NEO1: variants seen among roughly 807,000 people sequenced by gnomAD.
NEO1 encodes neogenin 1, also known as neogenin.
NEO1 carries 63 observed loss-of-function variants against 159.7 expected under a neutral mutation model. The ratio of observed to expected loss-of-function variants is 0.39; its 90% CI spans 0.32 to 0.49. The LOEUF is 0.49. Ranked by LOEUF, NEO1 falls within the 20% of genes least tolerant of loss-of-function variation. The pLI, the probability that NEO1 is intolerant of heterozygous loss-of-function variation, is 0.85. For synonymous variants in NEO1, 633 were observed against 662.0 expected (o/e 0.96, Z 0.67); for missense variants, 1,615 against 1,831.0 (o/e 0.88, Z 2.15).
intron 1 of NEO1, among the ~76,000 whole-genome samples, chr15:73,070,575 G>A (rs1401891606): frequency 6.6e-6 from 1 of 152,192 alleles, no homozygotes; most frequent in Non-Finnish European, 1.5e-5. Context: ...AGTGTATACA[G>A]TAGTCCCCCC....
At chr15:73,124,784 G>T (rs2029946933) in intron 3 of NEO1, among the ~76,000 whole-genome samples, 1 of 151,810 alleles carries the variant, frequency 6.6e-6, no homozygotes, top group African/African-American at 2.4e-5. Context: ...TATCTTACTT[G>T]TCTCTCTCCC....
chr15:73,164,475 A>C (rs546020093), intron 5 of NEO1, among the ~76,000 whole-genome samples: 2 of 152,188 alleles, frequency 1.3e-5, no homozygotes, highest in African/African-American at 4.8e-5. Flanking sequence ...TCAGCCTCCC[A>C]AAGTGCTGGA....
chr15:73,169,989 A>C (rs769830534), intron 5 of NEO1, among the ~76,000 whole-genome samples: 4 of 152,056 alleles, frequency 2.6e-5, no homozygotes, highest in Non-Finnish European at 4.4e-5. Flanking sequence ...GTTTGTTTGA[A>C]TGTACCTTGT....
At position 73,273,848 on chromosome 15, in the gene NEO1, G is replaced by C. The variant is rs769673192; in HGVS notation, c.3003G>C (p.Glu1001Asp). 3 of 1,614,110 alleles carry C rather than the reference G, an allele frequency of 1.9e-6. No individual in the cohort carries two copies. Among genetic ancestry groups the C allele is most frequent in the Non-Finnish European group, 2.5e-6 (3 of 1,179,984 alleles). ...ATTACAGTACAGATGTGAATGCAGA[G>C]ATACATGACTGGGTTATTGAGCCTG... is the stretch of plus-strand genomic sequence containing the variant. ...IIYYSTDVNA[E>D]IHDWVIEPVV... The change falls in exon 20 of 29, where the codon GAG becomes GAC. Residue 1001 changes from glutamate (E) to aspartate (D), a missense_variant. Around this residue, in one of 3 missense-constraint regions of NEO1, gnomAD observed 126 missense variants for 216.7 expected, o/e 0.58. Coordinates refer to ENST00000261908, the MANE Select transcript of NEO1 (RefSeq NM_002499.4).
intron 7 of NEO1, among the ~76,000 whole-genome samples, chr15:73,199,539 A>G (rs1358409841): frequency 6.6e-6 from 1 of 152,006 alleles, no homozygotes; most frequent in Non-Finnish European, 1.5e-5. Flanking sequence ...CATTTATTCA[A>G]TCATTTGCTA....
intron 26 of NEO1, among the ~76,000 whole-genome samples, chr15:73,297,613 T>G (rs772013169): frequency 2.0e-5 from 3 of 152,214 alleles, no homozygotes; most frequent in Middle Eastern, 3.2e-3. Context: ...GTCCGTGCTT[T>G]TCTACCCTGC....
At chr15:73,271,000 A>G (rs1035408322) in intron 18 of NEO1, among the ~76,000 whole-genome samples, 5 of 152,130 alleles carry the variant, frequency 3.3e-5, no homozygotes, top group African/African-American at 1.2e-4. Context: ...CCTTTCTGCT[A>G]CCCCCTGGGC....
intron 1 of NEO1, among the ~76,000 whole-genome samples, chr15:73,112,098 A>G (rs2071029593): frequency 6.6e-6 from 1 of 152,012 alleles, no homozygotes; most frequent in Non-Finnish European, 1.5e-5. Context: ...ACCTTTCTCA[A>G]TGCCCATATA....
At chr15:73,251,438 G>A (rs893437192) in intron 11 of NEO1, among the ~76,000 whole-genome samples, 4 of 151,002 alleles carry the variant, frequency 2.6e-5, no homozygotes, top group Non-Finnish European at 1.5e-5. Flanking sequence ...ACCTGAGCCC[G>A]GGGAGGTCAA....
intron 7 of NEO1, among the ~76,000 whole-genome samples, chr15:73,198,002 C>T (rs2036634769): frequency 6.6e-6 from 1 of 152,100 alleles, no homozygotes; most frequent in Admixed American, 6.6e-5. Context: ...ATAGCATTGA[C>T]TGAAATATAT....
At chr15:73,184,492 T>A (rs2035804065) in intron 7 of NEO1, among the ~76,000 whole-genome samples, 1 of 152,216 alleles carries the variant, frequency 6.6e-6, no homozygotes, top group African/African-American at 2.4e-5. Context: ...CTGAATGAGT[T>A]GAAAAGTTAT....
rs2036250753 is a variant in NEO1, at chr15:73,191,808, A to G, written c.1291+13381A>G. Among the ~76,000 whole-genome samples the G allele has an allele frequency of 2.0e-5, 3 of 152,180 alleles. No individual in the cohort carries two copies. In the South Asian group the frequency reaches 6.2e-4, roughly 31 times the overall value. On this transcript the variant is annotated intron_variant, in intron 7 of 28. Transcript: ENST00000261908. ...ATGTAACACATGTTCATTGTCAAGAATAAGAATACATAATTGACTGAAATA... is the reference window on the plus strand; with the variant it reads ...ATGTAACACATGTTCATTGTCAAGAGTAAGAATACATAATTGACTGAAATA...
At chr15:73,263,703 G>A (rs1421813166) in intron 15 of NEO1, among the ~76,000 whole-genome samples, 2 of 151,972 alleles carry the variant, frequency 1.3e-5, no homozygotes. Context: ...ACAACTTCAA[G>A]TGCCTAACAG....
chr15:73,112,199 C>G (rs2071035663), intron 1 of NEO1, among the ~76,000 whole-genome samples: 1 of 151,982 alleles, frequency 6.6e-6, no homozygotes, highest in Non-Finnish European at 1.5e-5. Flanking sequence ...ATGTAGCCCA[C>G]TCATTTTTTT....
At chr15:73,259,023 C>T (rs1440895136) in intron 14 of NEO1, 147 bp downstream of exon 14, 4 of 634,282 alleles carry the variant, frequency 6.3e-6, no homozygotes, top group East Asian at 2.8e-5. Context: ...TGTATTGCAT[C>T]GAGGCTGCTG....
intron 1 of NEO1, among the ~76,000 whole-genome samples, chr15:73,067,452 CT>C (rs11330606): frequency 0.13 from 17,812 of 137,464 alleles, 1,528 homozygotes; most frequent in African/African-American, 0.27. Flanking sequence ...GCTTTTCTTT[CT>C]TTTTTTTTTT....
intron 7 of NEO1, among the ~76,000 whole-genome samples, chr15:73,231,401 C>T (rs1249169799): frequency 6.6e-6 from 1 of 152,082 alleles, no homozygotes; most frequent in Non-Finnish European, 1.5e-5. Context: ...CACAGTAAGC[C>T]TGCTGTTTGT....
chr15:73,054,478 G>A (rs999461093), intron 1 of NEO1, among the ~76,000 whole-genome samples: 1 of 152,154 alleles, frequency 6.6e-6, no homozygotes. Flanking sequence ...GTGTGGGTAG[G>A]AAAGATAGCC....
chr15:73,171,003 G>GA (rs368313842), intron 5 of NEO1, among the ~76,000 whole-genome samples: 1,569 of 138,500 alleles, frequency 0.011, 24 homozygotes, highest in African/African-American at 0.036. Flanking sequence ...AGTCTCGGGG[G>GA]AAAAAAAAAA....
Sources: gnomAD v4.1 joint callset for allele counts (sites outside exome capture counted in the v4.1 genomes callset) on GRCh38, gnomAD v4.1.1 for gene constraint, gnomAD v4.1.1 regional missense constraint, MANE v1.5 for transcripts, NCBI Gene and HGNC (gene_info 2026-07-23, HGNC 2026-07-21) for gene names.